Variants in VWC2L observed in about 807,000 individuals in gnomAD.
VWC2L encodes the protein von Willebrand factor C domain-containing protein 2-like.
Under a neutral mutation model 21.6 loss-of-function variants are expected in VWC2L, and 10 were observed. That is an observed-to-expected ratio of 0.46 (90% CI 0.29 to 0.78). VWC2L has a LOEUF of 0.78. VWC2L is among the 30% of genes least tolerant of loss of function. The pLI is 0.10. For missense variants in VWC2L, 209 were observed against 277.1 expected, an observed-to-expected ratio of 0.75 and a Z score of 1.74; for synonymous variants, 96 against 94.3, an observed-to-expected ratio of 1.02 and a Z score of -0.10.
At chr2:214,445,100 A>G (rs1702819272) in intron 3 of VWC2L, among the ~76,000 whole-genome samples, 1 of 151,954 alleles carries the variant, frequency 6.6e-6, no homozygotes, top group African/African-American at 2.4e-5. Context: ...ACAAATATAA[A>G]TAAGATAGCA....
At chr2:214,519,664 A>T (rs926266252) in intron 3 of VWC2L, among the ~76,000 whole-genome samples, 4 of 152,184 alleles carry the variant, frequency 2.6e-5, no homozygotes, top group African/African-American at 9.6e-5. Flanking sequence ...CTCCAATTAC[A>T]AAAGCCTTTC....
intron 3 of VWC2L, among the ~76,000 whole-genome samples, chr2:214,505,642 G>C (rs1274102122): frequency 1.3e-5 from 2 of 152,108 alleles, no homozygotes; most frequent in South Asian, 2.1e-4. Context: ...CATTGGCATT[G>C]AGTTACCACA....
At chr2:214,574,541 G>C (rs1690199392) in intron 3 of VWC2L, among the ~76,000 whole-genome samples, 2 of 152,194 alleles carry the variant, frequency 1.3e-5, no homozygotes, top group African/African-American at 2.4e-5. Context: ...GTAAGAAAGT[G>C]AAAGTAGGGC....
At chr2:214,433,176 A>ATATATATATATATATATAT (rs1702628716) in intron 2 of VWC2L, among the ~76,000 whole-genome samples, 1 of 145,626 alleles carries the variant, frequency 6.9e-6, no homozygotes, top group African/African-American at 2.5e-5. Flanking sequence ...ATATATATAT[A>ATATATATATATATATATAT]TATATATTAT....
chr2:214,540,398 G>T (rs1350637730), intron 3 of VWC2L, among the ~76,000 whole-genome samples: 1 of 152,122 alleles, frequency 6.6e-6, no homozygotes, highest in Non-Finnish European at 1.5e-5. Flanking sequence ...AAATTCCGAA[G>T]CAAGAACTAG....
At chr2:214,451,313 G>GA (rs975746341) in intron 3 of VWC2L, among the ~76,000 whole-genome samples, 1 of 147,270 alleles carries the variant, frequency 6.8e-6, no homozygotes, top group Non-Finnish European at 1.5e-5. Context: ...CGGTGTGGGG[G>GA]GGGGGGGCAG....
rs114741519 is a variant in VWC2L at position 214,543,140 on chromosome 2, A to T, written c.521-32532A>T. ...TCTTTTAGGTCAATATGAAAAGTTGACTTCTAAGTTTGAGTACTAACCTCC... is the reference window on the plus strand; with the variant it reads ...TCTTTTAGGTCAATATGAAAAGTTGTCTTCTAAGTTTGAGTACTAACCTCC... On this transcript the variant is annotated intron_variant, in intron 3 of 3. Transcript: ENST00000312504. Among the ~76,000 whole-genome samples the T allele has an allele frequency of 1.9e-3, 283 of 152,286 alleles. 1 individual carries two copies. Among genetic ancestry groups the T allele is most frequent in the Non-Finnish European group, 3.2e-3 (217 of 68,022 alleles).
chr2:214,459,337 T>C (rs1397605389), intron 3 of VWC2L, among the ~76,000 whole-genome samples: 2 of 152,224 alleles, frequency 1.3e-5, no homozygotes, highest in East Asian at 1.9e-4. Flanking sequence ...AGGCAGCACA[T>C]AGTCTGATCA....
At chr2:214,538,963 T>C (rs1470341172) in intron 3 of VWC2L, among the ~76,000 whole-genome samples, 2 of 152,164 alleles carry the variant, frequency 1.3e-5, no homozygotes, top group Non-Finnish European at 2.9e-5. Context: ...ACCCTCATAA[T>C]TTCTAAAATG....
intron 3 of VWC2L, among the ~76,000 whole-genome samples, chr2:214,571,718 C>T (rs967013723): frequency 6.6e-6 from 1 of 152,124 alleles, no homozygotes; most frequent in Non-Finnish European, 1.5e-5. Flanking sequence ...GACCGATATT[C>T]TCTCTCATTC....
intron 3 of VWC2L, among the ~76,000 whole-genome samples, chr2:214,519,674 C>T (rs189636308): frequency 2.0e-5 from 3 of 152,162 alleles, no homozygotes; most frequent in Non-Finnish European, 2.9e-5. Flanking sequence ...AAAAGCCTTT[C>T]GCTTCCTCCG....
At chr2:214,451,314 G>T (rs58674657) in intron 3 of VWC2L, among the ~76,000 whole-genome samples, 24 of 140,400 alleles carry the variant, frequency 1.7e-4, no homozygotes, top group African/African-American at 5.0e-4. Flanking sequence ...GGTGTGGGGG[G>T]GGGGGGCAGT....
intron 3 of VWC2L, among the ~76,000 whole-genome samples, chr2:214,506,129 C>CTT (rs1688964660): frequency 6.6e-6 from 1 of 152,148 alleles, no homozygotes; most frequent in African/African-American, 2.4e-5. Flanking sequence ...ATGTTTCTAT[C>CTT]TTTAGTCTTT....
chr2:214,550,523 T>C (rs1365047324), intron 3 of VWC2L, among the ~76,000 whole-genome samples: 1 of 152,204 alleles, frequency 6.6e-6, no homozygotes, highest in Non-Finnish European at 1.5e-5. Flanking sequence ...CTGCTTCCTC[T>C]TCCTTGAACC....
chr2:214,415,563 A>T (rs897969209), intron 2 of VWC2L, among the ~76,000 whole-genome samples: 4 of 152,130 alleles, frequency 2.6e-5, no homozygotes, highest in African/African-American at 9.6e-5. Context: ...CATTTCCATT[A>T]TTAGCACTGA....
intron 3 of VWC2L, among the ~76,000 whole-genome samples, chr2:214,484,353 G>T (rs1261800315): frequency 6.6e-6 from 1 of 152,140 alleles, no homozygotes; most frequent in East Asian, 1.9e-4. Context: ...CTACCTAATT[G>T]TGTGACACTG....
intron 3 of VWC2L, among the ~76,000 whole-genome samples, chr2:214,533,263 A>G (rs1689470191): frequency 1.3e-5 from 2 of 152,094 alleles, no homozygotes; most frequent in Non-Finnish European, 2.9e-5. Flanking sequence ...ATTTATATGT[A>G]TGCAGATGTA....
At chr2:214,439,083 C>A (rs1702723087) in intron 3 of VWC2L, among the ~76,000 whole-genome samples, 2 of 151,802 alleles carry the variant, frequency 1.3e-5, no homozygotes, top group African/African-American at 4.8e-5. Flanking sequence ...GTCACATATG[C>A]CCCAAAACTA....
intron 3 of VWC2L, among the ~76,000 whole-genome samples, chr2:214,532,336 AC>A (rs1424781757): frequency 1.3e-5 from 2 of 152,154 alleles, no homozygotes; most frequent in Admixed American, 6.6e-5. Flanking sequence ...TGCTTTGCGC[AC>A]ATGGATATTA....
Sources: gnomAD v4.1 joint callset for allele counts (sites outside exome capture counted in the v4.1 genomes callset) on GRCh38, gnomAD v4.1.1 for gene constraint, MANE v1.5 for transcripts, NCBI Gene and HGNC (gene_info 2026-07-23, HGNC 2026-07-21) for gene names.